Variants in CNOT11 observed in about 807,000 individuals in gnomAD.
CNOT11 encodes the protein CCR4-NOT transcription complex subunit 11.
A neutral mutation model predicts 44.6 loss-of-function variants in CNOT11; 18 were observed. The ratio of observed to expected loss-of-function variants is 0.40; its 90% confidence interval spans 0.28 to 0.60. The LOEUF is 0.60. CNOT11 is among the 20% of genes least tolerant of loss of function. CNOT11 has a pLI of 0.38. For synonymous variants in CNOT11, 291 were observed against 270.9 expected, an observed-to-expected ratio of 1.07 and a Z score of -0.73; for missense variants, 513 against 677.0, an observed-to-expected ratio of 0.76 and a Z score of 2.69.
chr2:101,259,055 G>T (rs1489564382), intron 2 of CNOT11, among the ~76,000 whole-genome samples: 1 of 151,638 alleles, frequency 6.6e-6, no homozygotes, highest in East Asian at 1.9e-4. Flanking sequence ...AATCACTTGA[G>T]CCTGGGAGAT....
intron 4 of CNOT11, 117 bp downstream of exon 4, chr2:101,265,164 G>C (rs1273932257): frequency 3.3e-6 from 2 of 614,506 alleles, no homozygotes; most frequent in Non-Finnish European, 2.6e-6. Context: ...GCAGTGGCAC[G>C]ATCTCGGCTC....
At chr2:101,263,696 T>C (rs975542629) in intron 3 of CNOT11, among the ~76,000 whole-genome samples, 1 of 152,264 alleles carries the variant, frequency 6.6e-6, no homozygotes, top group African/African-American at 2.4e-5. Context: ...ACAGTAGATC[T>C]TTGACATACA....
chr2:101,268,999 G>C, intron 5 of CNOT11, 41 bp from the exon 6 acceptor site: 1 of 1,275,966 alleles, frequency 7.8e-7, no homozygotes, highest in Non-Finnish European at 1.1e-6. Flanking sequence ...CTCAATGTTA[G>C]CAAATGAAAT....
At position 101,258,418 on chromosome 2, in the gene CNOT11, T is replaced by TA. The variant is rs1413571899; in HGVS notation, c.679+466dup. Among the ~76,000 whole-genome samples the TA allele has an allele frequency of 2.0e-5, 3 of 151,048 alleles. No homozygotes were observed. In the East Asian group the frequency reaches 5.9e-4, roughly 30 times the overall value. ...CTCAATAAATAAATAAATAAATAAATAAATAAATAAATAAATAAATGGAAC... is the reference window on the plus strand; with the variant it reads ...CTCAATAAATAAATAAATAAATAAATAAAATAAATAAATAAATAAATGGAAC... On this transcript the variant is annotated intron_variant, in intron 2 of 6. Coordinates refer to ENST00000289382, the MANE Select transcript of CNOT11 (RefSeq NM_017546.5).
chr2:101,268,950 G>A, intron 5 of CNOT11, 90 bp from the exon 6 acceptor site: 1 of 811,112 alleles, frequency 1.2e-6, no homozygotes, highest in East Asian at 2.5e-5. Context: ...TCCACCAGAT[G>A]ACCAAAGCAA....
intron 5 of CNOT11, among the ~76,000 whole-genome samples, chr2:101,268,485 C>T (rs1024861232): frequency 2.0e-5 from 3 of 152,334 alleles, no homozygotes; most frequent in South Asian, 2.1e-4. Context: ...CATCCTTAAA[C>T]GTGAAACACG....
chr2:101,265,883 T>C (rs1408437276), intron 4 of CNOT11, among the ~76,000 whole-genome samples: 2 of 152,236 alleles, frequency 1.3e-5, no homozygotes, highest in East Asian at 3.8e-4. Context: ...TGGTGAATTT[T>C]ATCCAGTTTG....
rs3830636 is a variant in CNOT11, at chr2:101,262,826, TAGTG to T, written c.832+140_832+143del. 3,958 of 696,746 alleles carry T rather than the reference TAGTG, an allele frequency of 5.7e-3. 93 individuals are homozygous for T. In the East Asian group the frequency reaches 0.066, roughly 12 times the overall value. The allele number at this position is 696,746 out of a possible 1,614,324, so 43.2% of individuals were successfully genotyped here. A position where few individuals can be genotyped will look rare whatever the true frequency, so the allele number is the denominator to read the frequency against. On this transcript the variant is annotated intron_variant, in intron 3 of 6. Transcript: ENST00000289382. Reference sequence around the variant, plus strand: ...TAATTTAGTGTGAATCTTTCTAGTGTAGTGAGTGTCTAGAACATAGTAGAGATGT... The same window carrying T: ...TAATTTAGTGTGAATCTTTCTAGTGTAGTGTCTAGAACATAGTAGAGATGT...
At position 101,266,081 on chromosome 2, in the gene CNOT11, G is replaced by A. The variant is rs1478528468; in HGVS notation, c.1036-596G>A. Among the ~76,000 whole-genome samples, 2 of 152,226 alleles carry A rather than the reference G, an allele frequency of 1.3e-5. 1 individual carries two copies. Among genetic ancestry groups the A allele is most frequent in the East Asian group, 3.8e-4 (2 of 5,196 alleles). ...GGAAAAAAAGCATAGGACATTTAAA[G>A]AGGAAGTGCTTACTTCATAGAAAAA... On this transcript the variant is annotated intron_variant, in intron 4 of 6. Coordinates refer to ENST00000289382, the MANE Select transcript of CNOT11 (RefSeq NM_017546.5).
At chr2:101,266,999 T>C in intron 5 of CNOT11, 120 bp downstream of exon 5, 2 of 699,030 alleles carry the variant, frequency 2.9e-6, no homozygotes, top group Middle Eastern at 4.0e-4. Flanking sequence ...ATTAAAGAAA[T>C]AATGTAAGCC....
At chr2:101,259,169 C>G (rs1681797478) in intron 2 of CNOT11, among the ~76,000 whole-genome samples, 1 of 152,178 alleles carries the variant, frequency 6.6e-6, no homozygotes, top group Non-Finnish European at 1.5e-5. Flanking sequence ...GTTCTCTTGG[C>G]ATCCTTGTTG....
Position 101,253,321 on chromosome 2 carries a change from T to C in CNOT11, c.357T>C (p.Pro119=), listed in dbSNP as rs1275104409. The change falls in exon 1 of 7, where the codon CCT becomes CCC. Residue 119 remains proline, a synonymous_variant. Transcript: ENST00000289382. The surrounding 1 kb of genome is among the most constrained non-coding windows in gnomAD (Gnocchi z 4.3). The part of the protein sequence containing the change: ...VMLLQQPDLL[P]SAAQRLTALY... ...TGCTCCAGCAGCCCGACCTGCTGCC[T>C]AGCGCGGCGCAGCGCCTCACGGCGC... The C allele has an allele frequency of 2.5e-6, 4 of 1,607,628 alleles. No homozygotes were observed. The highest frequency in any genetic ancestry group is 4.5e-5 in the East Asian group (2 of 44,760).
rs572702992 is a variant in CNOT11 at position 101,269,697 on chromosome 2, T to C, written c.*284T>C. The C allele has an allele frequency of 2.0e-4, 56 of 287,014 alleles. No individual in the cohort carries two copies. In the South Asian group the frequency reaches 2.0e-3, roughly 10 times the overall value. 17.8% of individuals were successfully genotyped at this position (287,014 alleles called of 1,614,324 possible). The stretch of plus-strand genomic sequence containing the variant: ...AAAAGTAGATGAGTTTCTTTTTTTT[T>C]TAAGCACTAAAGAACAAAATGCATT... On this transcript the variant is annotated 3_prime_UTR_variant, in exon 7 of 7. Transcript: ENST00000289382. The surrounding 1 kb of genome is among the most constrained non-coding windows in gnomAD (Gnocchi z 4.8).
chr2:101,266,653 T>C (rs1341416604), intron 4 of CNOT11, 24 bp from the exon 5 acceptor site: 1 of 1,580,876 alleles, frequency 6.3e-7, no homozygotes, highest in Admixed American at 1.7e-5. Context: ...CCTCTCTCTC[T>C]CTTTAAAAAT....
At position 101,253,573 on chromosome 2, in the gene CNOT11, T is replaced by A; in HGVS notation, c.514+95T>A. ...GAACTCACCTGAAAGGGAAATTAAC[T>A]ATCCCTGTGAAATGATCATCCTCTT... is the stretch of plus-strand genomic sequence containing the variant. On this transcript the variant is annotated intron_variant, in intron 1 of 6. Transcript: ENST00000289382. This position sits in a 1 kb window ranked among gnomAD's most constrained non-coding sequence, Gnocchi z 4.3. 9.0e-7 allele frequency: 1 copy of A among 1,108,434 alleles called. No individual in the cohort carries two copies. The highest frequency in any genetic ancestry group is 1.2e-6 in the Non-Finnish European group (1 of 824,774). 68.7% of individuals were successfully genotyped at this position (1,108,434 alleles called of 1,614,324 possible). A position where few individuals can be genotyped will look rare whatever the true frequency, so the allele number is the denominator to read the frequency against.
intron 3 of CNOT11, among the ~76,000 whole-genome samples, chr2:101,264,120 T>A (rs1441190226): frequency 6.6e-6 from 1 of 152,206 alleles, no homozygotes; most frequent in Non-Finnish European, 1.5e-5. Flanking sequence ...AAGCCACTCC[T>A]GCCCTATGTG....
At position 101,256,909 on chromosome 2, in the gene CNOT11, C is replaced by T. The variant is rs547131984; in HGVS notation, c.515-882C>T. On this transcript the variant is annotated intron_variant, in intron 1 of 6. Coordinates refer to ENST00000289382, the MANE Select transcript of CNOT11 (RefSeq NM_017546.5). ...TAAAAAGTACAAAAAATTACCTGGG[C>T]GTGGTGGCGGGCGCCTGTAGTCCCA... 4.7e-4 allele frequency among the ~76,000 whole-genome samples: 72 copies of T among 151,942 alleles called. 1 individual carries two copies. The highest frequency in any genetic ancestry group is 1.6e-3 in the African/African-American group (65 of 41,450).
In CNOT11 at chr2:101,253,072, C is replaced by A; in HGVS notation, c.108C>A (p.Gly36=). The change falls in exon 1 of 7, where the codon GGC becomes GGA. Residue 36 remains glycine (G), a synonymous_variant. Coordinates refer to ENST00000289382, the MANE Select transcript of CNOT11 (RefSeq NM_017546.5). This position sits in a 1 kb window ranked among gnomAD's most constrained non-coding sequence, Gnocchi z 4.3. The stretch of plus-strand genomic sequence containing the variant: ...CGGCGTCCAGGAGCGGCTTCGGGGG[C>A]TCCGGCGGCGGCAGAGGCGGAGCAA... ...AGSASRSGFG[G]SGGGRGGASG... 1 of 1,516,322 alleles carries A rather than the reference C, an allele frequency of 6.6e-7. No homozygotes were observed. Among genetic ancestry groups the A allele is most frequent in the Non-Finnish European group, 8.8e-7 (1 of 1,137,796 alleles). The allele number at this position is 1,516,322 out of a possible 1,614,324, so 93.9% of individuals were successfully genotyped here. A position where few individuals can be genotyped will look rare whatever the true frequency, so the allele number is the denominator to read the frequency against.
chr2:101,253,208 G>GGCA lies in CNOT11; in HGVS notation c.248_250dup (p.Ser83dup). The GGCA allele has an allele frequency of 6.2e-7, 1 of 1,604,936 alleles. No individual in the cohort carries two copies. Among genetic ancestry groups the GGCA allele is most frequent in the Non-Finnish European group, 8.5e-7 (1 of 1,177,376 alleles). On this transcript the variant is annotated inframe_insertion, in exon 1 of 7. Transcript: ENST00000289382. This position sits in a 1 kb window ranked among gnomAD's most constrained non-coding sequence, Gnocchi z 4.3. Reference sequence around the variant, plus strand: ...CATCATATCGGAGGAGGCGGGCGGCGGCAGCACCTTCGAGGGCCTGTCCAC... The same window carrying GGCA: ...CATCATATCGGAGGAGGCGGGCGGCGGCAGCAGCACCTTCGAGGGCCTGTCCAC...
Sources: allele counts gnomAD v4.1 joint callset (sites outside exome capture counted in the v4.1 genomes callset), GRCh38; gene constraint gnomAD v4.1.1; non-coding constraint Gnocchi (gnomAD v3.1); transcripts MANE v1.5; gene names NCBI Gene and HGNC (gene_info 2026-07-23, HGNC 2026-07-21).